The following PIK3R4 variants were observed in gnomAD, a reference collection of about 807,000 sequenced individuals.
PIK3R4 encodes phosphoinositide-3-kinase regulatory subunit 4.
In PIK3R4, 46 loss-of-function variants were observed where a neutral mutation model predicts 136.5. The observed-to-expected ratio is 0.34, with a 90% CI of 0.27 to 0.43. The LOEUF is 0.43. Ranked by LOEUF, PIK3R4 falls within the 20% of genes least tolerant of loss-of-function variation. The pLI, the probability that PIK3R4 is intolerant of heterozygous loss-of-function variation, is 1.00. For missense variants in PIK3R4, 1,331 were observed against 1,649.5 expected (o/e 0.81, Z 3.35); for synonymous variants, 557 against 566.7 (o/e 0.98, Z 0.24).
chr3:130,718,503 T>C lies in PIK3R4; in HGVS notation c.2013A>G (p.Ile671Met), dbSNP rs1359554902. The C allele has an allele frequency of 5.6e-6, 9 of 1,613,766 alleles. No individual in the cohort carries two copies. The highest frequency in any genetic ancestry group is 5.5e-5 in the South Asian group (5 of 91,080). Reference sequence around the variant, plus strand: ...TGATAAATCCCACGGCACCATAACGTATCCATAAATTGGGATGACACAGGA... The same window carrying C: ...TGATAAATCCCACGGCACCATAACGCATCCATAAATTGGGATGACACAGGA... Reference protein sequence around the residue: ...APFLCHPNLWIRYGAVGFITV... With the variant: ...APFLCHPNLWMRYGAVGFITV... The change falls in exon 8 of 20, where the codon ATA becomes ATG. Residue 671 changes from isoleucine to methionine, a missense_variant. Ile to Met is a conservative substitution (Grantham distance 10). Coordinates refer to ENST00000356763, the MANE Select transcript of PIK3R4 (RefSeq NM_014602.3).
chr3:130,689,369 G>C (rs2066504445), intron 14 of PIK3R4, among the ~76,000 whole-genome samples: 1 of 152,112 alleles, frequency 6.6e-6, no homozygotes, highest in South Asian at 2.1e-4. Context: ...TAATTTACAT[G>C]AAACTCAATA....
chr3:130,723,605 T>C lies in PIK3R4; in HGVS notation c.1808-18A>G, dbSNP rs1270291729. 6.2e-7 allele frequency: 1 copy of C among 1,605,108 alleles called. No homozygotes were observed. The highest frequency in any genetic ancestry group is 8.5e-7 in the Non-Finnish European group (1 of 1,176,238). On this transcript the variant is annotated intron_variant, in intron 6 of 19. Transcript: ENST00000356763. ...AGCAACACCTGGAAATGAAAAGCAA[T>C]ATTATGTGATTATTCAATACCTAAA...
intron 2 of PIK3R4, among the ~76,000 whole-genome samples, chr3:130,739,140 T>C (rs1383747741): frequency 1.3e-5 from 2 of 152,174 alleles, no homozygotes; most frequent in Non-Finnish European, 2.9e-5. Context: ...GCAGTGGCGC[T>C]ATCTCAGCTC....
At chr3:130,725,141 A>G (rs1397888445) in intron 6 of PIK3R4, among the ~76,000 whole-genome samples, 1 of 151,984 alleles carries the variant, frequency 6.6e-6, no homozygotes, top group African/African-American at 2.4e-5. Flanking sequence ...ATGTACAATG[A>G]GCTAAAATAG....
chr3:130,683,481 T>A (rs956532107), intron 16 of PIK3R4, among the ~76,000 whole-genome samples: 1 of 151,952 alleles, frequency 6.6e-6, no homozygotes, highest in Non-Finnish European at 1.5e-5. Context: ...TGAAACCAGG[T>A]AAGGAAAGTA....
At chr3:130,715,186 C>T (rs557174978) in intron 9 of PIK3R4, among the ~76,000 whole-genome samples, 6 of 142,638 alleles carry the variant, frequency 4.2e-5, no homozygotes, top group African/African-American at 7.9e-5. Context: ...TGCAGCGGTG[C>T]GATCTTTGCT....
At position 130,716,074 on chromosome 3, in the gene PIK3R4, A is replaced by G. The variant is rs138301964; in HGVS notation, c.2331+322T>C. ...TAAATTTCATTACATTTTTGGTAAA[A>G]CATAGAACTGAATCAAGACTACTAA... On this transcript the variant is annotated intron_variant, in intron 9 of 19. Coordinates refer to ENST00000356763, the MANE Select transcript of PIK3R4 (RefSeq NM_014602.3). Among the ~76,000 whole-genome samples, 559 of 152,314 alleles carry G rather than the reference A, an allele frequency of 3.7e-3. 4 individuals are homozygous for G. Among genetic ancestry groups the G allele is most frequent in the African/African-American group, 0.012 (519 of 41,574 alleles).
At chr3:130,728,881 T>C (rs574371808) in intron 5 of PIK3R4, among the ~76,000 whole-genome samples, 197 bp from the exon 6 acceptor site, 1 of 151,966 alleles carries the variant, frequency 6.6e-6, no homozygotes, top group African/African-American at 2.4e-5. Context: ...AAATATAAAG[T>C]GAAGAATATC....
chr3:130,737,833 T>C (rs1338477443), intron 2 of PIK3R4, among the ~76,000 whole-genome samples: 4 of 152,234 alleles, frequency 2.6e-5, no homozygotes, highest in Admixed American at 2.6e-4. Context: ...CGTAATTTAT[T>C]GAATACTGAA....
chr3:130,729,992 G>A (rs1332115612), intron 5 of PIK3R4, among the ~76,000 whole-genome samples: 1 of 152,126 alleles, frequency 6.6e-6, no homozygotes, highest in Non-Finnish European at 1.5e-5. Context: ...AAAAGGTTTA[G>A]CTTCTTTAGC....
chr3:130,711,744 A>AC (rs1370403383), intron 9 of PIK3R4, among the ~76,000 whole-genome samples: 1 of 152,358 alleles, frequency 6.6e-6, no homozygotes, highest in East Asian at 1.9e-4. Flanking sequence ...ATTCCAAGTA[A>AC]CTGCACAGCA....
intron 2 of PIK3R4, among the ~76,000 whole-genome samples, chr3:130,739,489 A>C (rs1339371502): frequency 6.6e-6 from 1 of 152,082 alleles, no homozygotes; most frequent in African/African-American, 2.4e-5. Context: ...CTCCCATCTC[A>C]GCTTCCCGGG....
intron 13 of PIK3R4, among the ~76,000 whole-genome samples, chr3:130,700,029 GTC>G (rs1230512436): frequency 6.6e-6 from 1 of 152,172 alleles, no homozygotes; most frequent in African/African-American, 2.4e-5. Context: ...TAGGGTTTTT[GTC>G]TCACTGAGAG....
chr3:130,680,081 AGAG>A (rs1216527950), intron 19 of PIK3R4, among the ~76,000 whole-genome samples: 1 of 148,242 alleles, frequency 6.7e-6, no homozygotes, highest in Non-Finnish European at 1.5e-5. Flanking sequence ...AAAAAAAAAA[AGAG>A]GTATAAATGA....
chr3:130,717,728 GAGTTCTGGTAAA>G (rs2066673582), intron 8 of PIK3R4, among the ~76,000 whole-genome samples: 3 of 152,182 alleles, frequency 2.0e-5, no homozygotes, highest in Non-Finnish European at 2.9e-5. Context: ...ATTCCAAATG[GAGTTCTGGTAAA>G]AATAGGAACT....
intron 10 of PIK3R4, among the ~76,000 whole-genome samples, chr3:130,707,757 A>G (rs528107176): frequency 6.6e-6 from 1 of 152,222 alleles, no homozygotes; most frequent in African/African-American, 2.4e-5. Flanking sequence ...ACAGGATCTT[A>G]AAAAACTTCA....
chr3:130,690,640 T>C lies in PIK3R4; in HGVS notation c.3113A>G (p.Tyr1038Cys), dbSNP rs2066511995. ...KTTTTRSILT[Y>C]SRIGGRVKTL... The stretch of plus-strand genomic sequence containing the variant: ...CTTGACTCGTCCTCCAATTCGGCTG[T>C]ATGTAAGAATAGATCTGAATGAAAG... Residue 1038 changes from tyrosine (Y) to cysteine (C), a missense_variant, in exon 14 of 20, where the codon TAC becomes TGC. Tyr to Cys is a radical substitution (Grantham distance 194, BLOSUM62 -2). Coordinates refer to ENST00000356763, the MANE Select transcript of PIK3R4 (RefSeq NM_014602.3). 1 of 1,602,724 alleles carries C rather than the reference T, an allele frequency of 6.2e-7. No individual in the cohort carries two copies. Among genetic ancestry groups the C allele is most frequent in the Non-Finnish European group, 8.5e-7 (1 of 1,171,622 alleles).
rs1260779820 is a variant in PIK3R4 at position 130,679,132 on chromosome 3, ATAAG to A, written c.*179_*182del. 2.2e-5 allele frequency: 8 copies of A among 366,670 alleles called. No individual in the cohort carries two copies. In the East Asian group the frequency reaches 3.0e-4, roughly 14 times the overall value. The allele number at this position is 366,670 out of a possible 1,614,324, so 22.7% of individuals were successfully genotyped here. On this transcript the variant is annotated 3_prime_UTR_variant, in exon 20 of 20. Coordinates refer to ENST00000356763, the MANE Select transcript of PIK3R4 (RefSeq NM_014602.3). ...CTGGCTGATTCTTGCAAAGAGATGCATAAGTAAACTAGTCAAGTACATCTTAACC... is the reference window on the plus strand; with the variant it reads ...CTGGCTGATTCTTGCAAAGAGATGCATAAACTAGTCAAGTACATCTTAACC...
intron 3 of PIK3R4, among the ~76,000 whole-genome samples, chr3:130,734,640 A>G (rs977174194): frequency 6.6e-6 from 1 of 152,248 alleles, no homozygotes; most frequent in African/African-American, 2.4e-5. Flanking sequence ...GGATCTAATC[A>G]GTAGGGGAAT....
Sources: allele counts gnomAD v4.1 joint callset (sites outside exome capture counted in the v4.1 genomes callset), GRCh38; gene constraint gnomAD v4.1.1; transcripts MANE v1.5; gene names NCBI Gene and HGNC (gene_info 2026-07-23, HGNC 2026-07-21).